CTCFL: variants seen among roughly 807,000 people sequenced by gnomAD.
CTCFL encodes the protein transcriptional repressor CTCFL.
A neutral mutation model predicts 67.4 loss-of-function variants in CTCFL; 36 were observed. The observed-to-expected ratio is 0.53, with a 90% CI of 0.41 to 0.71. The LOEUF is 0.71. Among genes scored for constraint, CTCFL ranks in the 30% least tolerant of loss-of-function variants. CTCFL has a pLI of 0.00. For synonymous variants in CTCFL, 324 were observed against 302.3 expected, an observed-to-expected ratio of 1.07 and a Z score of -0.75; for missense variants, 786 against 835.2, an observed-to-expected ratio of 0.94 and a Z score of 0.73.
chr20:57,512,705 A>G lies in CTCFL; in HGVS notation c.1378T>C (p.Cys460Arg). The G allele has an allele frequency of 6.2e-7, 1 of 1,614,252 alleles. No individual in the cohort carries two copies. The highest frequency in any genetic ancestry group is 1.1e-5 in the South Asian group (1 of 91,082). Reference sequence around the variant, plus strand: ...TGGAAGACAGCAGAACAGTAGCGGCATTTCAGCTCTGCAGCGCTGTAAGCA... The same window carrying G: ...TGGAAGACAGCAGAACAGTAGCGGCGTTTCAGCTCTGCAGCGCTGTAAGCA... ...LHAYSAAELK[C>R]RYCSAVFHER... Residue 460 changes from cysteine (C) to arginine (R), a missense_variant, in exon 8 of 11, where the codon TGC becomes CGC. Cys to Arg is a radical substitution (Grantham distance 180). Coordinates refer to ENST00000243914, the MANE Select transcript of CTCFL (RefSeq NM_001386993.1).
intron 9 of CTCFL, chr20:57,506,630 ATCTG>A (rs554932420): frequency 1.8e-5 from 4 of 227,360 alleles, no homozygotes; most frequent in Non-Finnish European, 2.9e-5. Flanking sequence ...TTCATTGGGT[ATCTG>A]TCTATTTACT....
chr20:57,515,227 C>CGTA, intron 6 of CTCFL: 1 of 166,270 alleles, frequency 6.0e-6, no homozygotes, highest in Non-Finnish European at 1.3e-5. Context: ...TCACTGCAGC[C>CGTA]TCAACCTCCT....
At chr20:57,506,015 G>A (rs927693111) in intron 9 of CTCFL, among the ~76,000 whole-genome samples, 2 of 152,206 alleles carry the variant, frequency 1.3e-5, no homozygotes, top group Non-Finnish European at 2.9e-5. Context: ...GGGGGTGATG[G>A]AACAGGTTGT....
chr20:57,518,230 G>A (rs1413043031), intron 5 of CTCFL, among the ~76,000 whole-genome samples: 1 of 152,156 alleles, frequency 6.6e-6, no homozygotes, highest in Non-Finnish European at 1.5e-5. Flanking sequence ...CGTGAGTACC[G>A]CCAAACCTGT....
intron 5 of CTCFL, chr20:57,518,528 T>C (rs1251068280): frequency 7.1e-7 from 1 of 1,410,894 alleles, no homozygotes; most frequent in African/African-American, 1.4e-5. Context: ...TATTTGTAAT[T>C]TGTAAACCTT....
Position 57,498,636 on chromosome 20 carries a change from C to G in CTCFL, c.1906G>C (p.Ala636Pro), listed in dbSNP as rs141554434. 6.2e-7 allele frequency: 1 copy of G among 1,614,072 alleles called. No individual in the cohort carries two copies. The highest frequency in any genetic ancestry group is 1.1e-5 in the South Asian group (1 of 91,068). ...ACTCTGGCTGTGGTTTCTCTGCAGG[C>G]GACAGGAAACATCTCTCCTGGGAAC... ...EQFPGEMFPV[A>P]CRETTARVKE... Residue 636 changes from alanine (A) to proline (P), a missense_variant, in exon 11 of 11, where the codon GCC becomes CCC. Coordinates refer to ENST00000243914, the MANE Select transcript of CTCFL (RefSeq NM_001386993.1).
chr20:57,508,868 CT>C (rs756732065), intron 8 of CTCFL, 80 bp from the exon 9 acceptor site: 9 of 1,262,196 alleles, frequency 7.1e-6, no homozygotes, highest in Non-Finnish European at 1.0e-5. Flanking sequence ...CATACAATAC[CT>C]TTTATTTCCC....
At position 57,497,422 on chromosome 20, in the gene CTCFL, C is replaced by A. The variant is rs1410036729; in HGVS notation, c.*1128G>T. 1.0e-6 allele frequency: 1 copy of A among 985,060 alleles called. No individual in the cohort carries two copies. Among genetic ancestry groups the A allele is most frequent in the East Asian group, 1.1e-4 (1 of 8,836 alleles). 61.0% of individuals were successfully genotyped at this position (985,060 alleles called of 1,614,324 possible). A position where few individuals can be genotyped will look rare whatever the true frequency, so the allele number is the denominator to read the frequency against. ...ACTTGTGATATTTTCAATAAAAGGT[C>A]CATATCTTAAGAATTTGAATTTAGG... On this transcript the variant is annotated 3_prime_UTR_variant, in exon 11 of 11. Coordinates refer to ENST00000243914, the MANE Select transcript of CTCFL (RefSeq NM_001386993.1).
chr20:57,515,598 C>G lies in CTCFL; in HGVS notation c.1180+116G>C, dbSNP rs964000031. ...TCAAGATTCTTTTATCATGAAGGCA[C>G]GCAAAAATCCACTTTTACCTTTGAA... On this transcript the variant is annotated intron_variant, in intron 6 of 10. Transcript: ENST00000243914. 1.4e-5 allele frequency: 19 copies of G among 1,319,844 alleles called. No homozygotes were observed. In the Admixed American group the frequency reaches 3.0e-4, roughly 21 times the overall value. 81.8% of individuals were successfully genotyped at this position (1,319,844 alleles called of 1,614,324 possible).
At chr20:57,506,771 T>C (rs2146317554) in intron 9 of CTCFL, 1 of 984,078 alleles carries the variant, frequency 1.0e-6, no homozygotes, top group Admixed American at 6.1e-5. Context: ...TACATTTTTA[T>C]TTCTTGCACC....
chr20:57,508,142 G>T (rs2068323062), intron 9 of CTCFL, among the ~76,000 whole-genome samples: 1 of 152,058 alleles, frequency 6.6e-6, no homozygotes, highest in South Asian at 2.1e-4. Flanking sequence ...TCCCTGTGTT[G>T]CCCAGGCTGA....
At chr20:57,513,167 T>A in intron 7 of CTCFL, 1 of 816,746 alleles carries the variant, frequency 1.2e-6, no homozygotes, top group Non-Finnish European at 1.5e-6. Context: ...AGAACTATTA[T>A]GGGGTAGGTG....
intron 10 of CTCFL, 115 bp downstream of exon 10, chr20:57,503,321 G>T: frequency 8.0e-7 from 1 of 1,252,664 alleles, no homozygotes; most frequent in Non-Finnish European, 1.1e-6. Context: ...AGGACCGACT[G>T]GTGGACAAAT....
chr20:57,523,360 A>G lies in CTCFL; in HGVS notation c.544-82T>C. 3.0e-6 allele frequency: 4 copies of G among 1,336,546 alleles called. No homozygotes were observed. In the Admixed American group the frequency reaches 6.6e-5, roughly 22 times the overall value. The allele number at this position is 1,336,546 out of a possible 1,614,324, so 82.8% of individuals were successfully genotyped here. On this transcript the variant is annotated intron_variant, in intron 2 of 10. Transcript: ENST00000243914. Reference sequence around the variant, plus strand: ...TTGCCTGGATGAAGCACAGAATACAAAAAGAAAAGCCAAAGTGGAAGATTA... The same window carrying G: ...TTGCCTGGATGAAGCACAGAATACAGAAAGAAAAGCCAAAGTGGAAGATTA...
rs1462673874 is a variant in CTCFL, at chr20:57,498,212, C to T, written c.*338G>A. The T allele has an allele frequency of 9.9e-7, 1 of 1,006,290 alleles. No homozygotes were observed. The highest frequency in any genetic ancestry group is 1.7e-5 in the African/African-American group (1 of 57,806). 62.3% of individuals were successfully genotyped at this position (1,006,290 alleles called of 1,614,324 possible). A position where few individuals can be genotyped will look rare whatever the true frequency, so the allele number is the denominator to read the frequency against. On this transcript the variant is annotated 3_prime_UTR_variant, in exon 11 of 11. Transcript: ENST00000243914. ...TCATTGTGGGCCACCTTGCCAATAT[C>T]AAGTGAATGAATCCATAGGTTTGAG...
chr20:57,519,491 A>T (rs1056953242), intron 3 of CTCFL, 114 bp from the exon 4 acceptor site: 2 of 849,286 alleles, frequency 2.4e-6, no homozygotes, highest in Admixed American at 2.1e-5. Flanking sequence ...ACAATAGCAC[A>T]TGCTATTTAT....
chr20:57,508,822 G>A, intron 8 of CTCFL, 34 bp from the exon 9 acceptor site: 1 of 1,588,392 alleles, frequency 6.3e-7, no homozygotes, highest in Non-Finnish European at 8.6e-7. Context: ...AGCTTGTCTA[G>A]TTCAAAGGGT....
At chr20:57,507,819 T>C in intron 9 of CTCFL, 1 of 703,064 alleles carries the variant, frequency 1.4e-6, no homozygotes, top group Admixed American at 2.0e-5. Context: ...GTTTGTGGTT[T>C]TAAGCCACTC....
intron 3 of CTCFL, among the ~76,000 whole-genome samples, chr20:57,522,433 G>A (rs2069449385): frequency 2.6e-5 from 4 of 152,190 alleles, no homozygotes; most frequent in African/African-American, 9.7e-5. Context: ...CCTGTGGGCT[G>A]CTGGAATGAA....
Sources: gnomAD v4.1 joint callset for allele counts (sites outside exome capture counted in the v4.1 genomes callset) on GRCh38, gnomAD v4.1.1 for gene constraint, MANE v1.5 for transcripts, NCBI Gene and HGNC (gene_info 2026-07-23, HGNC 2026-07-21) for gene names.